FHIT: variants seen among roughly 807,000 people sequenced by gnomAD.
The protein encoded by FHIT is bis(5'-adenosyl)-triphosphatase.
A neutral mutation model predicts 17.9 loss-of-function variants in FHIT; 19 were observed. The observed-to-expected ratio is 1.06, with a 90% confidence interval of 0.74 to 1.56. The LOEUF is 1.56. Among genes scored for constraint, FHIT ranks in the 40% most tolerant of loss-of-function variants. The pLI, the probability that FHIT is intolerant of heterozygous loss-of-function variation, is 0.00. For missense variants in FHIT, 248 were observed against 189.2 expected, an observed-to-expected ratio of 1.31 and a Z score of -1.82; for synonymous variants, 81 against 69.7, an observed-to-expected ratio of 1.16 and a Z score of -0.81.
At chr3:60,887,729 A>G (rs1439195744) in intron 3 of FHIT, among the ~76,000 whole-genome samples, 1 of 152,202 alleles carries the variant, frequency 6.6e-6, no homozygotes, top group African/African-American at 2.4e-5. Flanking sequence ...ACTTCTGGCC[A>G]GAATGTAGTA....
At chr3:59,975,929 T>A (rs150790676) in intron 7 of FHIT, among the ~76,000 whole-genome samples, 1 of 152,090 alleles carries the variant, frequency 6.6e-6, no homozygotes, top group Non-Finnish European at 1.5e-5. Context: ...GAGAGTAAGG[T>A]CTCCAGTTCC....
intron 7 of FHIT, among the ~76,000 whole-genome samples, chr3:60,010,654 C>A (rs1244374143): frequency 6.6e-6 from 1 of 152,128 alleles, no homozygotes; most frequent in African/African-American, 2.4e-5. Flanking sequence ...AGAATCTACC[C>A]GTATAGGAAT....
rs1378370420 is a variant in FHIT, at chr3:60,806,212, TTC to T, written c.-18+15705_-18+15706del. Among the ~76,000 whole-genome samples the T allele has an allele frequency of 7.6e-4, 116 of 152,310 alleles. 2 individuals carry two copies. The highest frequency in any genetic ancestry group is 2.6e-3 in the African/African-American group (107 of 41,570). ...GGATTCAGTTGGGGGGCTCAGTTGC[TTC>T]TCTCTTAGAGGCAGGAAAACATCAG... On this transcript the variant is annotated intron_variant, in intron 4 of 9. Coordinates refer to ENST00000492590, the MANE Select transcript of FHIT (RefSeq NM_002012.4).
chr3:60,005,430 G>A (rs865899849), intron 7 of FHIT, among the ~76,000 whole-genome samples: 3 of 152,114 alleles, frequency 2.0e-5, no homozygotes, highest in African/African-American at 7.2e-5. Flanking sequence ...GGGACTGGGG[G>A]TTTTGCCTCA....
At chr3:60,658,345 C>G (rs547267752) in intron 4 of FHIT, among the ~76,000 whole-genome samples, 4 of 152,240 alleles carry the variant, frequency 2.6e-5, no homozygotes, top group African/African-American at 9.6e-5. Context: ...ACACACCTTA[C>G]AGTTTTTTTC....
At chr3:60,143,506 C>G (rs1318353198) in intron 5 of FHIT, among the ~76,000 whole-genome samples, 1 of 152,038 alleles carries the variant, frequency 6.6e-6, no homozygotes, top group Non-Finnish European at 1.5e-5. Flanking sequence ...GCAGAGCCAT[C>G]CACTGAGCCC....
chr3:60,098,147 G>A (rs1321310535), intron 5 of FHIT, among the ~76,000 whole-genome samples: 1 of 140,710 alleles, frequency 7.1e-6, no homozygotes, highest in Non-Finnish European at 1.5e-5. Flanking sequence ...CCAAGTCTTT[G>A]CTATTGTGAA....
intron 7 of FHIT, among the ~76,000 whole-genome samples, chr3:59,975,541 G>A (rs1158130377): frequency 6.6e-6 from 1 of 151,750 alleles, no homozygotes; most frequent in African/African-American, 2.4e-5. Flanking sequence ...ATAAAGGTAG[G>A]AACTATTATC....
chr3:60,119,328 C>A (rs1016873769), intron 5 of FHIT, among the ~76,000 whole-genome samples: 11 of 152,090 alleles, frequency 7.2e-5, no homozygotes, highest in African/African-American at 2.7e-4. Context: ...CTGCCTTGGC[C>A]TCCCAAAGTG....
chr3:61,111,847 G>A (rs1262562274), intron 2 of FHIT, among the ~76,000 whole-genome samples: 1 of 152,172 alleles, frequency 6.6e-6, no homozygotes, highest in Non-Finnish European at 1.5e-5. Context: ...AACCAGGTGG[G>A]TGTCTTAATG....
chr3:60,976,263 T>C (rs1203101109), intron 3 of FHIT, among the ~76,000 whole-genome samples: 1 of 151,866 alleles, frequency 6.6e-6, no homozygotes, highest in Non-Finnish European at 1.5e-5. Flanking sequence ...CATGCTATCA[T>C]GCCTGGCTAA....
At chr3:61,206,882 T>A (rs1291127204) in intron 1 of FHIT, among the ~76,000 whole-genome samples, 13 of 152,216 alleles carry the variant, frequency 8.5e-5, no homozygotes, top group Admixed American at 8.5e-4. Flanking sequence ...AGAGAGGGCA[T>A]CCCTGTCTTG....
chr3:60,450,422 T>C (rs145808303), intron 5 of FHIT, among the ~76,000 whole-genome samples: 64 of 152,176 alleles, frequency 4.2e-4, no homozygotes, highest in Non-Finnish European at 8.5e-4. Context: ...CTCTAAGAGC[T>C]GAGCTGTGCA....
At chr3:60,295,389 G>T (rs1708162033) in intron 5 of FHIT, among the ~76,000 whole-genome samples, 1 of 152,096 alleles carries the variant, frequency 6.6e-6, no homozygotes, top group African/African-American at 2.4e-5. Flanking sequence ...AGAACCTCAG[G>T]AAGCTCCCAC....
intron 7 of FHIT, among the ~76,000 whole-genome samples, chr3:59,976,162 G>T (rs1708401682): frequency 2.0e-5 from 3 of 152,098 alleles, no homozygotes; most frequent in South Asian, 2.1e-4. Flanking sequence ...AGTACTGGAT[G>T]CTGTCTGGGG....
At chr3:60,417,242 G>T (rs1559896238) in intron 5 of FHIT, among the ~76,000 whole-genome samples, 1 of 152,088 alleles carries the variant, frequency 6.6e-6, no homozygotes, top group Non-Finnish European at 1.5e-5. Context: ...ACATACAATT[G>T]TAAGAGATAC....
intron 3 of FHIT, among the ~76,000 whole-genome samples, chr3:60,843,360 T>C (rs1264915717): frequency 6.6e-6 from 1 of 152,178 alleles, no homozygotes; most frequent in African/African-American, 2.4e-5. Flanking sequence ...TACAAATCTA[T>C]CTTTTAGAAA....
chr3:60,596,797 A>G (rs1488817967), intron 4 of FHIT, among the ~76,000 whole-genome samples: 1 of 152,112 alleles, frequency 6.6e-6, no homozygotes, highest in Non-Finnish European at 1.5e-5. Flanking sequence ...TCATAATACA[A>G]CGCCTAGCAT....
intron 5 of FHIT, among the ~76,000 whole-genome samples, chr3:60,185,320 T>C (rs1291864310): frequency 6.6e-6 from 1 of 152,204 alleles, no homozygotes; most frequent in Admixed American, 6.5e-5. Context: ...CAATGATTTG[T>C]TTACCATCTC....
Sources: allele counts gnomAD v4.1 joint callset (sites outside exome capture counted in the v4.1 genomes callset), GRCh38; gene constraint gnomAD v4.1.1; transcripts MANE v1.5; gene names NCBI Gene and HGNC (gene_info 2026-07-23, HGNC 2026-07-21).